ZFHX3: variants seen among roughly 807,000 people sequenced by gnomAD.
ZFHX3 encodes the protein zinc finger homeobox protein 3.
Under a neutral mutation model 279.1 loss-of-function variants are expected in ZFHX3, and 42 were observed. The observed-to-expected ratio is 0.15, with a 90% CI of 0.12 to 0.19. The LOEUF (loss-of-function observed/expected upper bound fraction) is 0.19. ZFHX3 is among the 10% of genes least tolerant of loss of function. ZFHX3 has a pLI of 1.00. For synonymous variants in ZFHX3, 2,293 were observed against 1,957.8 expected, an observed-to-expected ratio of 1.17 and a Z score of -4.52; for missense variants, 4,981 against 4,754.0, an observed-to-expected ratio of 1.05 and a Z score of -1.40.
intron 3 of ZFHX3, among the ~76,000 whole-genome samples, chr16:73,331,079 T>C (rs554460377): frequency 1.3e-5 from 2 of 152,292 alleles, no homozygotes; most frequent in Non-Finnish European, 2.9e-5. Flanking sequence ...CAGTTCCACA[T>C]GGCTAGGGAG....
chr16:72,869,295 C>T (rs1163696898), intron 4 of ZFHX3, among the ~76,000 whole-genome samples: 4 of 152,240 alleles, frequency 2.6e-5, no homozygotes, highest in Admixed American at 2.6e-4. Context: ...AGCCCCTCTG[C>T]CATCATCCTT....
At chr16:73,586,157 G>A (rs549697775) in intron 2 of ZFHX3, among the ~76,000 whole-genome samples, 31 of 152,208 alleles carry the variant, frequency 2.0e-4, no homozygotes, top group Non-Finnish European at 3.7e-4. Flanking sequence ...GGGAGGCTAA[G>A]ACAGGAGGAT....
At chr16:73,337,087 G>T (rs915003086) in intron 3 of ZFHX3, among the ~76,000 whole-genome samples, 1 of 152,112 alleles carries the variant, frequency 6.6e-6, no homozygotes, top group African/African-American at 2.4e-5. Context: ...AAGACCATTA[G>T]ACTCAATATC....
At chr16:73,149,132 A>C (rs1259146313) in intron 5 of ZFHX3, among the ~76,000 whole-genome samples, 1 of 148,578 alleles carries the variant, frequency 6.7e-6, no homozygotes, top group Non-Finnish European at 1.5e-5. Flanking sequence ...AATTACATTA[A>C]TATTATAGAC....
At chr16:73,063,707 G>A (rs1267364011), upstream of ZFHX3, among the ~76,000 whole-genome samples, 2 of 152,126 alleles carry the variant, frequency 1.3e-5, no homozygotes, top group African/African-American at 4.8e-5. Context: ...AGTCCCCACA[G>A]TCGTGAGGGG....
intron 7 of ZFHX3, among the ~76,000 whole-genome samples, chr16:73,129,379 G>GACACACACAC (rs59666622): frequency 0.053 from 7,288 of 137,822 alleles, 244 homozygotes; most frequent in South Asian, 0.12. Context: ...CAGAGACTCT[G>GACACACACAC]ACACACACAC....
rs1395971662 is a variant in ZFHX3, at chr16:72,798,285, C to A, written c.4397G>T (p.Gly1466Val). The change falls in exon 9 of 10, where the codon GGC becomes GTC. Residue 1466 changes from glycine (G) to valine (V), a missense_variant. This residue lies in a region of ZFHX3 where 1,751 missense variants were observed against 1,770.0 expected (regional missense o/e 0.99). Coordinates refer to ENST00000268489, the MANE Select transcript of ZFHX3 (RefSeq NM_006885.4). ...CAGGAGGTCCCCATTGGCCAGCAGG[C>A]CACCATAAAGCTGTTGGATGTCAGC... The part of the protein sequence containing the change: ...SEADIQQLYG[G>V]LLANGDLLAM... 6.2e-7 allele frequency: 1 copy of A among 1,614,142 alleles called. No individual in the cohort carries two copies. The highest frequency in any genetic ancestry group is 8.5e-7 in the Non-Finnish European group (1 of 1,180,028).
chr16:73,008,088 AAT>A (rs1963779826), intron 1 of ZFHX3, among the ~76,000 whole-genome samples: 2 of 152,138 alleles, frequency 1.3e-5, no homozygotes. Flanking sequence ...CTAATTCATT[AAT>A]ATCACTTTTA....
chr16:73,069,797 C>T (rs541328895), intron 8 of ZFHX3, among the ~76,000 whole-genome samples: 6 of 152,300 alleles, frequency 3.9e-5, no homozygotes, highest in African/African-American at 1.4e-4. Flanking sequence ...GCCAAATTTC[C>T]ACCCGGTCAG....
rs1399580671 is a variant in ZFHX3, at chr16:73,812,959, T to C, written c.-1608+78692A>G. Among the ~76,000 whole-genome samples the C allele has an allele frequency of 3.3e-5, 5 of 152,332 alleles. No individual in the cohort carries two copies. The East Asian group carries it at 9.7e-4, about 29-fold the overall frequency. ...CTCACTAGGGCACCACATGAAATAA[T>C]TAGCTAATATCTACAAGGCATTATC... On this transcript the variant is annotated intron_variant, in intron 1 of 17. Coordinates refer to the ZFHX3 transcript ENST00000641206.
intron 9 of ZFHX3, chr16:72,790,972 C>A (rs538657974): frequency 2.0e-5 from 3 of 152,018 alleles, no homozygotes; most frequent in African/African-American, 7.3e-5. Flanking sequence ...ATTTACCAAG[C>A]CTTGCACTAG....
chr16:73,156,034 C>G (rs903239955), intron 5 of ZFHX3, among the ~76,000 whole-genome samples: 4 of 151,934 alleles, frequency 2.6e-5, no homozygotes, highest in African/African-American at 7.3e-5. Flanking sequence ...AGATCGAGAT[C>G]ATCCTGGCTA....
intron 1 of ZFHX3, among the ~76,000 whole-genome samples, chr16:73,862,446 T>C (rs894272730): frequency 6.6e-6 from 1 of 152,220 alleles, no homozygotes; most frequent in African/African-American, 2.4e-5. Context: ...ATGCTTGTAA[T>C]TCCATCCTAA....
At chr16:73,291,121 C>G (rs181772209) in intron 4 of ZFHX3, among the ~76,000 whole-genome samples, 47 of 152,316 alleles carry the variant, frequency 3.1e-4, no homozygotes, top group Non-Finnish European at 5.1e-4. Context: ...GTTTGTGAAG[C>G]TGATGACCAA....
At chr16:72,927,617 G>A (rs960674791) in intron 3 of ZFHX3, among the ~76,000 whole-genome samples, 5 of 152,138 alleles carry the variant, frequency 3.3e-5, no homozygotes, top group Admixed American at 3.3e-4. Flanking sequence ...CGAGGGGCTG[G>A]GAGGTTCCCA....
chr16:73,604,984 C>T (rs1454154821), intron 2 of ZFHX3, among the ~76,000 whole-genome samples: 1 of 152,094 alleles, frequency 6.6e-6, no homozygotes, highest in African/African-American at 2.4e-5. Context: ...ATGTGCCTAG[C>T]TGAATTCACC....
At chr16:73,325,745 AG>A (rs764681693) in intron 3 of ZFHX3, among the ~76,000 whole-genome samples, 2 of 152,136 alleles carry the variant, frequency 1.3e-5, no homozygotes, top group Non-Finnish European at 2.9e-5. Flanking sequence ...TGATACCGTT[AG>A]GAAAAAAAAA....
At chr16:72,990,644 C>A (rs959093546) in intron 1 of ZFHX3, among the ~76,000 whole-genome samples, 3 of 152,144 alleles carry the variant, frequency 2.0e-5, no homozygotes, top group African/African-American at 7.2e-5. Context: ...ATAATGTACC[C>A]AACAGGCAGA....
At chr16:72,893,474 T>C (rs1229443484) in intron 3 of ZFHX3, among the ~76,000 whole-genome samples, 4 of 152,362 alleles carry the variant, frequency 2.6e-5, no homozygotes, top group East Asian at 1.9e-4. Flanking sequence ...TCCAAATCCA[T>C]GGGCTCTTGG....
Sources: gnomAD v4.1 joint callset for allele counts (sites outside exome capture counted in the v4.1 genomes callset) on GRCh38, gnomAD v4.1.1 for gene constraint, gnomAD v4.1.1 regional missense constraint, MANE v1.5 for transcripts, NCBI Gene and HGNC (gene_info 2026-07-23, HGNC 2026-07-21) for gene names.